Variants in MROH1 observed in about 807,000 individuals in gnomAD.
MROH1 encodes maestro heat-like repeat-containing protein family member 1.
MROH1 carries 117 observed loss-of-function variants against 116.5 expected under a neutral mutation model. That is an observed-to-expected ratio of 1.00 (90% CI 0.86 to 1.17). MROH1 has a LOEUF of 1.17. Among genes scored for constraint, MROH1 ranks in the 50% most tolerant of loss-of-function variants. MROH1 has a pLI of 0.00. For synonymous variants in MROH1, 921 were observed against 583.9 expected, an observed-to-expected ratio of 1.58 and a Z score of -8.32; for missense variants, 1,873 against 1,338.5, an observed-to-expected ratio of 1.40 and a Z score of -6.23.
intron 22 of MROH1, 92 bp from the exon 23 acceptor site, chr8:144,242,277 C>G: frequency 1.3e-6 from 1 of 777,542 alleles, no homozygotes; most frequent in Admixed American, 1.7e-5. Flanking sequence ...GGCCCTTCTT[C>G]TGGGAGGATT....
Position 144,261,264 on chromosome 8 carries a change from C to A in MROH1, c.4775-20C>A, listed in dbSNP as rs1012322649. 1.3e-6 allele frequency: 1 copy of A among 749,406 alleles called. No individual in the cohort carries two copies. The highest frequency in any genetic ancestry group is 2.4e-6 in the Non-Finnish European group (1 of 411,386). The allele number at this position is 749,406 out of a possible 1,614,324, so 46.4% of individuals were successfully genotyped here. On this transcript the variant is annotated intron_variant, in intron 42 of 43. Coordinates refer to ENST00000326134, the MANE Select transcript of MROH1 (RefSeq NM_032450.3). ...CCCCCACGCCGCCCGGCAGCCCCGC[C>A]TGATGCCCCCACTTCACAGGGTTCC... is the stretch of plus-strand genomic sequence containing the variant.
Position 144,240,662 on chromosome 8 carries a change from G to A in MROH1, c.1920G>A (p.Glu640=). The part of the protein sequence containing the change: ...ELCRQLPCYD[E]APQEKNFLYK... ...GCAGGCAGCTGCCCTGCTACGATGA[G>A]GCACCCCAGGAGAAGGTGGGGCACC... The change falls in exon 20 of 44, where the codon GAG becomes GAA. Residue 640 remains glutamate (E), a synonymous_variant. Coordinates refer to ENST00000326134, the MANE Select transcript of MROH1 (RefSeq NM_032450.3). 1.4e-6 allele frequency: 1 copy of A among 717,064 alleles called. No homozygotes were observed. The highest frequency in any genetic ancestry group is 2.6e-6 in the Non-Finnish European group (1 of 384,966). The allele number at this position is 717,064 out of a possible 1,614,324, so 44.4% of individuals were successfully genotyped here.
chr8:144,211,707 CAA>C (rs1222608631), intron 12 of MROH1, among the ~76,000 whole-genome samples: 3 of 146,948 alleles, frequency 2.0e-5, no homozygotes, highest in Admixed American at 6.9e-5. Context: ...GCCTGTGCGA[CAA>C]GAGTGAAATT....
In MROH1 at chr8:144,180,352, G is replaced by A. The variant is rs368628085; in HGVS notation, c.463+12G>A. On this transcript the variant is annotated intron_variant, in intron 6 of 43. Transcript: ENST00000326134. This position sits in a 1 kb window ranked among gnomAD's most constrained non-coding sequence, Gnocchi z 7.4. ...CTCGGTGGCCAACGGTAGGTGACGC[G>A]CGGCCTGCCCCAGGAGGAGCACGGG... 247 of 1,605,798 alleles carry A rather than the reference G, an allele frequency of 1.5e-4. No individual in the cohort carries two copies. Among genetic ancestry groups the A allele is most frequent in the Non-Finnish European group, 1.9e-4 (228 of 1,178,354 alleles).
intron 13 of MROH1, among the ~76,000 whole-genome samples, chr8:144,222,142 C>G (rs1272062599): frequency 6.9e-6 from 1 of 144,398 alleles, no homozygotes; most frequent in African/African-American, 2.4e-5. Flanking sequence ...GACAGCAGCC[C>G]CACCCCCTGA....
chr8:144,174,563 A>C (rs1297030831), intron 4 of MROH1, among the ~76,000 whole-genome samples: 2 of 149,892 alleles, frequency 1.3e-5, no homozygotes, highest in African/African-American at 4.9e-5. Flanking sequence ...GGCTTACTGC[A>C]GCCTTGATCT....
intron 14 of MROH1, among the ~76,000 whole-genome samples, chr8:144,224,026 C>T (rs933053038): frequency 6.6e-6 from 1 of 152,164 alleles, no homozygotes; most frequent in African/African-American, 2.4e-5. Context: ...TCTGCAGGCC[C>T]CAGCAGGTGG....
At position 144,242,377 on chromosome 8, in the gene MROH1, TGA is replaced by T; in HGVS notation, c.2190_2191del (p.Asn731ArgfsTer149). 1 of 780,690 alleles carries T rather than the reference TGA, an allele frequency of 1.3e-6. No individual in the cohort carries two copies. Among genetic ancestry groups the T allele is most frequent in the South Asian group, 1.3e-5 (1 of 74,616 alleles). The allele number at this position is 780,690 out of a possible 1,614,324, so 48.4% of individuals were successfully genotyped here. On this transcript the variant is annotated frameshift_variant, in exon 23 of 44. Transcript: ENST00000326134. LOFTEE classifies it high-confidence loss of function. ...GILNIFKDRS[E>X]NEVEKVKSAL... ...TTCCTCTGGCCTCTCAGGATCGAAG[TGA>T]GAACGAAGTGGAGAAGGTGAAGAGT...
chr8:144,227,213 T>C (rs1218900614), intron 14 of MROH1, among the ~76,000 whole-genome samples: 1 of 152,236 alleles, frequency 6.6e-6, no homozygotes, highest in African/African-American at 2.4e-5. Flanking sequence ...TAAATCTGGG[T>C]TAGCTTTTTT....
At chr8:144,238,670 G>C in intron 14 of MROH1, 86 bp from the exon 15 acceptor site, 1 of 727,194 alleles carries the variant, frequency 1.4e-6, no homozygotes, top group Admixed American at 1.9e-5. Context: ...CGAGGCTCAG[G>C]GTCTGCCCCG....
intron 7 of MROH1, among the ~76,000 whole-genome samples, chr8:144,184,831 C>T (rs776725804): frequency 6.6e-6 from 1 of 152,164 alleles, no homozygotes; most frequent in Non-Finnish European, 1.5e-5. Flanking sequence ...GTGGAGGGGC[C>T]GCCAGGAGCT....
chr8:144,154,208 G>A (rs891876423), intron 1 of MROH1, among the ~76,000 whole-genome samples: 96 of 152,226 alleles, frequency 6.3e-4, no homozygotes, highest in African/African-American at 2.1e-3. Flanking sequence ...GGGATTACAG[G>A]CACGTGCCAC....
At chr8:144,259,796 C>T in intron 37 of MROH1, 115 bp from the exon 38 acceptor site, 1 of 699,684 alleles carries the variant, frequency 1.4e-6, no homozygotes. Flanking sequence ...AGTAGGTGCT[C>T]CACCTCTGTC....
At chr8:144,216,721 G>T (rs1402551499) in intron 12 of MROH1, among the ~76,000 whole-genome samples, 1 of 143,738 alleles carries the variant, frequency 7.0e-6, no homozygotes, top group Non-Finnish European at 1.5e-5. Context: ...ATGGAGTCTT[G>T]CTGTGTCGCC....
intron 4 of MROH1, among the ~76,000 whole-genome samples, chr8:144,176,014 A>G (rs955900389): frequency 5.9e-5 from 9 of 152,050 alleles, no homozygotes; most frequent in Non-Finnish European, 1.3e-4. Flanking sequence ...ATAACACTGC[A>G]CTCCAACCTG....
At chr8:144,203,444 G>A (rs1164376000) in intron 12 of MROH1, among the ~76,000 whole-genome samples, 1 of 150,832 alleles carries the variant, frequency 6.6e-6, no homozygotes, top group East Asian at 2.0e-4. Flanking sequence ...GTTGGGAGGG[G>A]AGCGCCCCCT....
At chr8:144,175,745 C>A (rs1247677992) in intron 4 of MROH1, among the ~76,000 whole-genome samples, 1 of 151,980 alleles carries the variant, frequency 6.6e-6, no homozygotes, top group Non-Finnish European at 1.5e-5. Flanking sequence ...GCAACACAGA[C>A]CCCATCTCTA....
chr8:144,250,420 G>A, intron 33 of MROH1, 54 bp downstream of exon 33: 1 of 722,014 alleles, frequency 1.4e-6, no homozygotes, highest in South Asian at 1.5e-5. Flanking sequence ...TGCTCCCCCT[G>A]GAATGATGCT....
intron 18 of MROH1, 105 bp from the exon 19 acceptor site, chr8:144,239,996 C>T (rs902520861): frequency 3.9e-5 from 28 of 716,600 alleles, no homozygotes; most frequent in African/African-American, 3.5e-4. Context: ...AGCGGGGCGG[C>T]GGGGCCTGTC....
Sources: allele counts gnomAD v4.1 joint callset (sites outside exome capture counted in the v4.1 genomes callset), GRCh38; gene constraint gnomAD v4.1.1; non-coding constraint Gnocchi (gnomAD v3.1); transcripts MANE v1.5; gene names NCBI Gene and HGNC (gene_info 2026-07-23, HGNC 2026-07-21).